The following FAM222A variants were observed in gnomAD, a reference collection of about 807,000 sequenced individuals.
FAM222A encodes the protein family with sequence similarity 222 member A.
FAM222A carries 7 observed loss-of-function variants against 25.8 expected under a neutral mutation model. The observed-to-expected ratio is 0.27, with a 90% CI of 0.15 to 0.51. The LOEUF (loss-of-function observed/expected upper bound fraction) is 0.51, where lower values mean the gene tolerates loss of function less well. Ranked by LOEUF, FAM222A falls within the 20% of genes least tolerant of loss-of-function variation. FAM222A has a pLI of 0.97. For missense variants in FAM222A, 573 were observed against 640.5 expected, an observed-to-expected ratio of 0.89 and a Z score of 1.14; for synonymous variants, 294 against 298.8, an observed-to-expected ratio of 0.98 and a Z score of 0.17.
chr12:109,715,266 C>G (rs1017566954), intron 1 of FAM222A, among the ~76,000 whole-genome samples: 5 of 152,286 alleles, frequency 3.3e-5, no homozygotes, highest in South Asian at 2.1e-4. Context: ...GAGGGTCTCC[C>G]GAGCAGCCTC....
intron 2 of FAM222A, among the ~76,000 whole-genome samples, chr12:109,749,160 G>A (rs1479852864): frequency 6.6e-6 from 1 of 152,180 alleles, no homozygotes; most frequent in Non-Finnish European, 1.5e-5. Flanking sequence ...AGGCTGGAGT[G>A]CAATGGTGCA....
At chr12:109,726,026 G>A (rs1446719507) in intron 1 of FAM222A, among the ~76,000 whole-genome samples, 1 of 151,766 alleles carries the variant, frequency 6.6e-6, no homozygotes, top group Admixed American at 6.6e-5. Flanking sequence ...GGTCAGCCAG[G>A]GAGATGGGTC....
intron 1 of FAM222A, among the ~76,000 whole-genome samples, chr12:109,737,829 G>A (rs944599808): frequency 2.0e-5 from 3 of 152,136 alleles, no homozygotes; most frequent in Admixed American, 6.5e-5. Context: ...AGCTCAAATT[G>A]CTTTTTAGAT....
Position 109,769,297 on chromosome 12 carries a change from C to G in FAM222A, c.*9C>G. 1 of 1,602,464 alleles carries G rather than the reference C, an allele frequency of 6.2e-7. No homozygotes were observed. Reference sequence around the variant, plus strand: ...TACCCGTCTACAGATAAGGCCTGCCCTGCGGACATACGGACATGCGGACAG... The same window carrying G: ...TACCCGTCTACAGATAAGGCCTGCCGTGCGGACATACGGACATGCGGACAG... On this transcript the variant is annotated 3_prime_UTR_variant, in exon 3 of 3. Coordinates refer to ENST00000538780, the MANE Select transcript of FAM222A (RefSeq NM_032829.3).
intron 2 of FAM222A, among the ~76,000 whole-genome samples, chr12:109,760,619 C>T (rs1158566127): frequency 1.3e-5 from 2 of 152,158 alleles, no homozygotes; most frequent in Non-Finnish European, 2.9e-5. Context: ...CCCTGCCCAC[C>T]TCAGTCCCTG....
chr12:109,769,064 G>A lies in FAM222A; in HGVS notation c.1135G>A (p.Glu379Lys), dbSNP rs772555431. Residue 379 changes from glutamate (E) to lysine (K), a missense_variant, in exon 3 of 3, where the codon GAG (glutamate) becomes AAG (lysine). Glu to Lys is a moderately conservative substitution (Grantham distance 56, BLOSUM62 1). Around this residue, in one of 3 missense-constraint regions of FAM222A, gnomAD observed 412 missense variants for 407.0 expected, o/e 1.01. Coordinates refer to ENST00000538780, the MANE Select transcript of FAM222A (RefSeq NM_032829.3). ...GGAGCTGGGGCCGGGGGCAGCCCGG[G>A]AGCTGGCTGGGCCCCCTGCAGATGC... ...VTELGPGAAR[E>K]LAGPPADALS... 3.8e-6 allele frequency: 6 copies of A among 1,596,910 alleles called. No individual in the cohort carries two copies. The highest frequency in any genetic ancestry group is 1.1e-5 in the South Asian group (1 of 89,162).
chr12:109,721,307 G>A (rs1887740488), intron 1 of FAM222A, among the ~76,000 whole-genome samples: 2 of 152,176 alleles, frequency 1.3e-5, no homozygotes, highest in Admixed American at 6.5e-5. Context: ...GCTGTTCTGG[G>A]CCAGCTGTCT....
At position 109,770,250 on chromosome 12, in the gene FAM222A, C is replaced by T. The variant is rs139587794; in HGVS notation, c.*962C>T. On this transcript the variant is annotated 3_prime_UTR_variant, in exon 3 of 3. Transcript: ENST00000538780. ...TGCAAACCACCCTCCAAGGCCTGTC[C>T]CACACGATCAAGGCAGGGAAAGATA... 1,199 of 152,726 alleles carry T rather than the reference C, an allele frequency of 7.9e-3. 3 individuals are homozygous for T. The highest frequency in any genetic ancestry group is 0.011 in the Non-Finnish European group (733 of 68,076). 9.5% of individuals were successfully genotyped at this position (152,726 alleles called of 1,614,324 possible). A position where few individuals can be genotyped will look rare whatever the true frequency, so the allele number is the denominator to read the frequency against.
At chr12:109,721,120 G>A (rs1051102521) in intron 1 of FAM222A, among the ~76,000 whole-genome samples, 1 of 152,038 alleles carries the variant, frequency 6.6e-6, no homozygotes, top group Non-Finnish European at 1.5e-5. Context: ...CTCTCTGAAG[G>A]GTGTTTTTAT....
intron 1 of FAM222A, among the ~76,000 whole-genome samples, chr12:109,740,856 G>C (rs746716880): frequency 6.6e-6 from 1 of 152,228 alleles, no homozygotes; most frequent in Non-Finnish European, 1.5e-5. Flanking sequence ...GATTAGAGCA[G>C]AGATGGTGGA....
intron 2 of FAM222A, among the ~76,000 whole-genome samples, chr12:109,751,017 C>T (rs1459644388): frequency 6.6e-6 from 1 of 152,120 alleles, no homozygotes; most frequent in Non-Finnish European, 1.5e-5. Flanking sequence ...TTTCAGTTTG[C>T]AGATCCGAGG....
rs1275048326 is a variant in FAM222A, at chr12:109,723,986, C to A, written c.-47+9089C>A. Among the ~76,000 whole-genome samples, 3 of 151,998 alleles carry A rather than the reference C, an allele frequency of 2.0e-5. No individual in the cohort carries two copies. The South Asian group carries it at 6.2e-4, about 32-fold the overall frequency. On this transcript the variant is annotated intron_variant, in intron 1 of 2. Coordinates refer to ENST00000538780, the MANE Select transcript of FAM222A (RefSeq NM_032829.3). ...CCCACCCCACAAACTACAAAAGAAA[C>A]AATTGCCAAGGTTTTTCTAGCTGGA...
chr12:109,717,724 C>T (rs1592775099), intron 1 of FAM222A, among the ~76,000 whole-genome samples: 2 of 152,192 alleles, frequency 1.3e-5, no homozygotes, highest in Non-Finnish European at 1.5e-5. Context: ...TTCCCGTAAG[C>T]GTGGAAGTGG....
intron 2 of FAM222A, among the ~76,000 whole-genome samples, chr12:109,748,435 G>A (rs1292517535): frequency 6.8e-6 from 1 of 147,654 alleles, no homozygotes; most frequent in African/African-American, 2.5e-5. Context: ...TCTTTGAACA[G>A]TTTAAATAGA....
chr12:109,732,323 A>G (rs746202432), intron 1 of FAM222A, among the ~76,000 whole-genome samples: 3 of 152,232 alleles, frequency 2.0e-5, no homozygotes, highest in Non-Finnish European at 2.9e-5. Flanking sequence ...CTGACATCTA[A>G]CTGCCCAGAA....
chr12:109,730,399 TG>T (rs1423445187), intron 1 of FAM222A, among the ~76,000 whole-genome samples: 13 of 15,488 alleles, frequency 8.4e-4, no homozygotes, highest in African/African-American at 3.7e-3. Context: ...GGCACCTGCC[TG>T]GGGGGCGGGG....
Position 109,768,171 on chromosome 12 carries a change from G to A in FAM222A, c.242G>A (p.Gly81Asp). The A allele has an allele frequency of 6.2e-7, 1 of 1,613,772 alleles. No homozygotes were observed. Among genetic ancestry groups the A allele is most frequent in the Non-Finnish European group, 8.5e-7 (1 of 1,179,998 alleles). Residue 81 changes from glycine (G) to aspartate (D), a missense_variant, in exon 3 of 3, where the codon GGC (glycine) becomes GAC (aspartate). Physicochemically the swap from Gly to Asp is moderately conservative, Grantham distance 94 (BLOSUM62 -1). This residue lies in a region of FAM222A where 112 missense variants were observed against 154.6 expected (regional missense o/e 0.72). Transcript: ENST00000538780. The stretch of plus-strand genomic sequence containing the variant: ...AAGCACCTCAGCCGCACAGTCAATG[G>A]CTATGACACCAGTGGCCAGCGCTAC... ...QHKHLSRTVN[G>D]YDTSGQRYSP...
intron 2 of FAM222A, among the ~76,000 whole-genome samples, chr12:109,745,342 A>G (rs1457063450): frequency 6.6e-6 from 1 of 152,216 alleles, no homozygotes; most frequent in Non-Finnish European, 1.5e-5. Context: ...GGGGTGGCCC[A>G]TAATTTATTT....
rs984958969 is a variant in FAM222A at position 109,770,218 on chromosome 12, C to A, written c.*930C>A. 5 of 152,562 alleles carry A rather than the reference C, an allele frequency of 3.3e-5. No individual in the cohort carries two copies. Among genetic ancestry groups the A allele is most frequent in the East Asian group, 3.9e-4 (2 of 5,188 alleles). The allele number at this position is 152,562 out of a possible 1,614,324, so 9.5% of individuals were successfully genotyped here. A position where few individuals can be genotyped will look rare whatever the true frequency, so the allele number is the denominator to read the frequency against. Reference sequence around the variant, plus strand: ...TTTAACTGGGAGGCCCAGACCAACTCCTTTCCTGCAAACCACCCTCCAAGG... The same window carrying A: ...TTTAACTGGGAGGCCCAGACCAACTACTTTCCTGCAAACCACCCTCCAAGG... On this transcript the variant is annotated 3_prime_UTR_variant, in exon 3 of 3. Transcript: ENST00000538780.
Sources: gnomAD v4.1 joint callset for allele counts (sites outside exome capture counted in the v4.1 genomes callset) on GRCh38, gnomAD v4.1.1 for gene constraint, gnomAD v4.1.1 regional missense constraint, MANE v1.5 for transcripts, NCBI Gene and HGNC (gene_info 2026-07-23, HGNC 2026-07-21) for gene names.